RAD51B: variants seen among roughly 807,000 people sequenced by gnomAD.
RAD51B encodes the protein RAD51 paralog B.
A neutral mutation model predicts 42.2 loss-of-function variants in RAD51B; 38 were observed. The observed-to-expected ratio is 0.90, with a 90% CI of 0.70 to 1.18. RAD51B has a LOEUF of 1.18. RAD51B is among the 50% of genes most tolerant of loss of function. The pLI, the probability that RAD51B is intolerant of heterozygous loss-of-function variation, is 0.00. For missense variants in RAD51B, 373 were observed against 400.7 expected (o/e 0.93, Z 0.59); for synonymous variants, 154 against 145.2 (o/e 1.06, Z -0.43).
At chr14:67,901,312 A>ACAT (rs1347225954) in intron 7 of RAD51B, among the ~76,000 whole-genome samples, 1 of 152,178 alleles carries the variant, frequency 6.6e-6, no homozygotes, top group Non-Finnish European at 1.5e-5. Flanking sequence ...CAAGTTAAGG[A>ACAT]CATTTAGGTT....
intron 7 of RAD51B, among the ~76,000 whole-genome samples, chr14:67,954,967 T>C (rs1444063301): frequency 6.6e-6 from 1 of 151,836 alleles, no homozygotes; most frequent in East Asian, 1.9e-4. Context: ...GGACAGGAGA[T>C]GGGTGGAGGT....
chr14:68,491,061 C>T (rs1884032212), intron 10 of RAD51B, among the ~76,000 whole-genome samples: 1 of 152,162 alleles, frequency 6.6e-6, no homozygotes, highest in South Asian at 2.1e-4. Flanking sequence ...AAAGGGAAAA[C>T]ATTCCCTTTC....
intron 9 of RAD51B, among the ~76,000 whole-genome samples, chr14:68,457,608 C>CT (rs1241756321): frequency 3.5e-4 from 53 of 150,542 alleles, no homozygotes; most frequent in Admixed American, 1.1e-3. Flanking sequence ...CTAATACTTT[C>CT]TTTTTTTTTG....
chr14:67,983,849 A>G lies in RAD51B; in HGVS notation c.756+96645A>G, dbSNP rs979189107. On this transcript the variant is annotated intron_variant, in intron 7 of 10. Transcript: ENST00000471583. ...AATTGTTAGGCATATCTCTTTATGG[A>G]AAACTACTTTGGTGATATAAAACCA... Among the ~76,000 whole-genome samples, 121 of 152,148 alleles carry G rather than the reference A, an allele frequency of 8.0e-4. 1 individual carries two copies. Among genetic ancestry groups the G allele is most frequent in the African/African-American group, 2.9e-3 (119 of 41,498 alleles).
At chr14:68,660,969 G>A (rs188879346) in intron 11 of RAD51B, among the ~76,000 whole-genome samples, 25 of 152,248 alleles carry the variant, frequency 1.6e-4, no homozygotes, top group Admixed American at 3.3e-4. Flanking sequence ...TCACCAAATC[G>A]CGTATAGTGT....
At chr14:68,320,529 C>T (rs1283739885) in intron 8 of RAD51B, among the ~76,000 whole-genome samples, 3 of 152,214 alleles carry the variant, frequency 2.0e-5, no homozygotes, top group South Asian at 4.1e-4. Context: ...GCAGAGCTAC[C>T]GTAGTATTCA....
intron 7 of RAD51B, among the ~76,000 whole-genome samples, chr14:68,051,498 C>A (rs987048576): frequency 5.3e-5 from 8 of 151,948 alleles, no homozygotes; most frequent in Non-Finnish European, 1.0e-4. Flanking sequence ...AAAATAAAAA[C>A]CTAGAAGTGA....
chr14:68,185,175 A>AT (rs2079133259), intron 7 of RAD51B, among the ~76,000 whole-genome samples: 1 of 152,176 alleles, frequency 6.6e-6, no homozygotes, highest in African/African-American at 2.4e-5. Flanking sequence ...GATAGGGATG[A>AT]TTTTCAGCCC....
intron 10 of RAD51B, among the ~76,000 whole-genome samples, chr14:68,557,358 G>A (rs1385649808): frequency 1.3e-5 from 2 of 152,078 alleles, no homozygotes; most frequent in Non-Finnish European, 2.9e-5. Context: ...CTAACACAAA[G>A]CCTACTTTAT....
At chr14:68,380,847 A>G (rs974454391) in intron 8 of RAD51B, among the ~76,000 whole-genome samples, 3 of 152,258 alleles carry the variant, frequency 2.0e-5, no homozygotes, top group African/African-American at 7.2e-5. Context: ...ATTTGTGTAC[A>G]CCCACATAAG....
chr14:68,550,680 C>T (rs1888499805), intron 10 of RAD51B, among the ~76,000 whole-genome samples: 1 of 152,214 alleles, frequency 6.6e-6, no homozygotes, highest in Non-Finnish European at 1.5e-5. Context: ...CACATCCTTC[C>T]TTCATATGCA....
intron 10 of RAD51B, chr14:68,469,209 T>C: frequency 2.5e-6 from 1 of 405,546 alleles, no homozygotes; most frequent in South Asian, 1.8e-5. Context: ...ATAAGTTAAA[T>C]ATTTTTCCCA....
chr14:68,142,772 C>T (rs1381334100), intron 7 of RAD51B, among the ~76,000 whole-genome samples: 1 of 152,168 alleles, frequency 6.6e-6, no homozygotes, highest in Admixed American at 6.5e-5. Context: ...GGTCTTTTCT[C>T]TGAGTGCTGT....
intron 7 of RAD51B, among the ~76,000 whole-genome samples, chr14:68,180,176 A>C (rs2079036596): frequency 6.6e-6 from 1 of 152,118 alleles, no homozygotes; most frequent in South Asian, 2.1e-4. Context: ...AAAATACCCC[A>C]ACTTTGAATG....
intron 7 of RAD51B, among the ~76,000 whole-genome samples, chr14:67,978,281 A>G (rs1315213227): frequency 6.6e-6 from 1 of 152,204 alleles, no homozygotes; most frequent in Non-Finnish European, 1.5e-5. Context: ...AGAAATTAAG[A>G]AAGTGAAAAA....
At chr14:68,002,465 T>C (rs768852326) in intron 7 of RAD51B, among the ~76,000 whole-genome samples, 3 of 152,230 alleles carry the variant, frequency 2.0e-5, no homozygotes, top group Non-Finnish European at 4.4e-5. Flanking sequence ...GCAAAAATTT[T>C]CTGCCATTCT....
chr14:68,222,296 G>C (rs570121919), intron 7 of RAD51B, among the ~76,000 whole-genome samples: 4 of 152,266 alleles, frequency 2.6e-5, no homozygotes, highest in African/African-American at 9.6e-5. Flanking sequence ...CAGTCAATGA[G>C]TATACAAGGA....
At chr14:67,939,949 T>A (rs1595138122) in intron 7 of RAD51B, among the ~76,000 whole-genome samples, 1 of 141,520 alleles carries the variant, frequency 7.1e-6, no homozygotes, top group East Asian at 2.1e-4. Flanking sequence ...TCTGTAATTA[T>A]GCCTCATAAC....
chr14:68,234,890 T>C (rs2080215807), intron 7 of RAD51B, among the ~76,000 whole-genome samples: 3 of 152,192 alleles, frequency 2.0e-5, no homozygotes, highest in Admixed American at 2.0e-4. Context: ...TTATAAACTT[T>C]TAATTATTTT....
Sources: gnomAD v4.1 joint callset for allele counts (sites outside exome capture counted in the v4.1 genomes callset) on GRCh38, gnomAD v4.1.1 for gene constraint, MANE v1.5 for transcripts, NCBI Gene and HGNC (gene_info 2026-07-23, HGNC 2026-07-21) for gene names.